Variants in MARCHF10 observed in about 807,000 individuals in gnomAD.
MARCHF10 encodes the protein membrane associated ring-CH-type finger 10.
A neutral mutation model predicts 76.2 loss-of-function variants in MARCHF10; 64 were observed. That is an observed-to-expected ratio of 0.84 (90% CI 0.69 to 1.03). The LOEUF is 1.03. Among genes scored for constraint, MARCHF10 ranks in the 50% least tolerant of loss-of-function variants. MARCHF10 has a pLI of 0.00. For synonymous variants in MARCHF10, 340 were observed against 357.5 expected (o/e 0.95, Z 0.55); for missense variants, 875 against 958.0 (o/e 0.91, Z 1.14).
In MARCHF10 at chr17:62,801,918, T is replaced by C. The variant is rs1425007486; in HGVS notation, c.-17-166A>G. 5.3e-5 allele frequency among the ~76,000 whole-genome samples: 8 copies of C among 152,372 alleles called. No homozygotes were observed. In the East Asian group the frequency reaches 7.7e-4, roughly 15 times the overall value. On this transcript the variant is annotated intron_variant, in intron 1 of 10. Coordinates refer to ENST00000311269, the MANE Select transcript of MARCHF10 (RefSeq NM_152598.4). ...GCTGAAGGGACTTCTTGTGTTGCTG[T>C]TGATGCCCTTACAGTCCTCCTGTTC...
chr17:62,751,747 G>A (rs2091903082), intron 4 of MARCHF10, among the ~76,000 whole-genome samples: 2 of 152,154 alleles, frequency 1.3e-5, no homozygotes, highest in African/African-American at 4.8e-5. Flanking sequence ...AAGGCTGGGC[G>A]TGGTGGCTCA....
intron 4 of MARCHF10, among the ~76,000 whole-genome samples, chr17:62,751,079 TG>T (rs767838085): frequency 6.6e-6 from 1 of 152,014 alleles, no homozygotes; most frequent in African/African-American, 2.4e-5. Context: ...TCAAGCTGGG[TG>T]AAAAGCAGGT....
chr17:62,744,464 G>A lies in MARCHF10; in HGVS notation c.447C>T (p.Ser149=), dbSNP rs777096698. The change falls in exon 5 of 11, where the codon AGC becomes AGT. Residue 149 remains serine, a synonymous_variant. Coordinates refer to ENST00000311269, the MANE Select transcript of MARCHF10 (RefSeq NM_152598.4). ...RKPNLRRFTV[S]PESHSPRASG... The stretch of plus-strand genomic sequence containing the variant: ...ATGCTCTCGGGCTGTGCGATTCTGG[G>A]CTGACTGTAAATCTCCTCAGGTTTG... 2.2e-5 allele frequency: 36 copies of A among 1,614,170 alleles called. No individual in the cohort carries two copies. Among genetic ancestry groups the A allele is most frequent in the Non-Finnish European group, 3.0e-5 (35 of 1,180,020 alleles).
At chr17:62,797,397 G>C (rs2093003738) in intron 2 of MARCHF10, among the ~76,000 whole-genome samples, 1 of 152,080 alleles carries the variant, frequency 6.6e-6, no homozygotes, top group African/African-American at 2.4e-5. Context: ...GTAGAGACGG[G>C]GTTTCACGAT....
intron 4 of MARCHF10, among the ~76,000 whole-genome samples, chr17:62,757,928 A>G (rs1392014535): frequency 6.6e-6 from 1 of 152,234 alleles, no homozygotes; most frequent in Non-Finnish European, 1.5e-5. Context: ...AGTTCCATAC[A>G]GAGTTTGCTC....
Position 62,705,587 on chromosome 17 carries a change from A to C in MARCHF10, c.2329-6T>G. 1 of 1,613,868 alleles carries C rather than the reference A, an allele frequency of 6.2e-7. No individual in the cohort carries two copies. Among genetic ancestry groups the C allele is most frequent in the East Asian group, 2.2e-5 (1 of 44,886 alleles). On this transcript the variant is annotated splice_region_variant and splice_polypyrimidine_tract_variant and intron_variant, in intron 9 of 10. Transcript: ENST00000311269. ...TGTGGGTAATTTCTTGACAACTACAAGAAAGAAGACAATGAGAAATGAATT... is the reference window on the plus strand; with the variant it reads ...TGTGGGTAATTTCTTGACAACTACACGAAAGAAGACAATGAGAAATGAATT...
chr17:62,717,728 T>G (rs2090286718), intron 8 of MARCHF10, among the ~76,000 whole-genome samples: 2 of 152,238 alleles, frequency 1.3e-5, no homozygotes, highest in South Asian at 4.1e-4. Context: ...CTGGCCACAC[T>G]GCTAGTCCCA....
chr17:62,789,036 G>A (rs2092795777), intron 2 of MARCHF10, among the ~76,000 whole-genome samples: 1 of 122,418 alleles, frequency 8.2e-6, no homozygotes, highest in Non-Finnish European at 1.6e-5. Flanking sequence ...GCAGTCCGCA[G>A]TCCGGCCTGG....
chr17:62,764,612 CA>C (rs34735597), intron 3 of MARCHF10, among the ~76,000 whole-genome samples: 75,418 of 151,924 alleles, frequency 0.5, 20,263 homozygotes, highest in East Asian at 0.7. Context: ...GTGCCACCTT[CA>C]AGAGCACTGT....
rs150885233 is a variant in MARCHF10 at position 62,782,553 on chromosome 17, G to A, written c.210+5927C>T. Among the ~76,000 whole-genome samples the A allele has an allele frequency of 8.7e-3, 1,322 of 151,970 alleles. 14 individuals are homozygous for A. Among genetic ancestry groups the A allele is most frequent in the African/African-American group, 0.031 (1,270 of 41,444 alleles). On this transcript the variant is annotated intron_variant, in intron 3 of 10. Transcript: ENST00000311269. ...AGTAGAGATGGGGTTTCACCATATTGGCCAGGCTGGTCTTGAATTCCTGAC... is the reference window on the plus strand; with the variant it reads ...AGTAGAGATGGGGTTTCACCATATTAGCCAGGCTGGTCTTGAATTCCTGAC...
intron 3 of MARCHF10, among the ~76,000 whole-genome samples, chr17:62,769,571 G>C (rs761155991): frequency 6.6e-6 from 1 of 152,068 alleles, no homozygotes; most frequent in Non-Finnish European, 1.5e-5. Context: ...ACGCCAACAT[G>C]CCTGGCTAAT....
intron 10 of MARCHF10, chr17:62,705,167 G>A (rs2089498793): frequency 8.4e-7 from 1 of 1,190,398 alleles, no homozygotes; most frequent in East Asian, 5.9e-5. Context: ...AGGGCTTGGG[G>A]AGGGTTTTCC....
At chr17:62,745,677 T>C (rs1441018652) in intron 4 of MARCHF10, among the ~76,000 whole-genome samples, 3 of 152,238 alleles carry the variant, frequency 2.0e-5, no homozygotes, top group East Asian at 1.9e-4. Context: ...ACGATATTCA[T>C]AGGAAGACAG....
At chr17:62,779,334 A>G (rs2092613846) in intron 3 of MARCHF10, among the ~76,000 whole-genome samples, 1 of 152,204 alleles carries the variant, frequency 6.6e-6, no homozygotes, top group East Asian at 1.9e-4. Context: ...GAAATTAGAG[A>G]AAATTAAAAG....
rs577539761 is a variant in MARCHF10, at chr17:62,726,892, A to G, written c.1938-1788T>C. 1.9e-4 allele frequency among the ~76,000 whole-genome samples: 29 copies of G among 152,244 alleles called. No homozygotes were observed. The East Asian group carries it at 4.6e-3, about 24-fold the overall frequency. On this transcript the variant is annotated intron_variant, in intron 6 of 10. Coordinates refer to ENST00000311269, the MANE Select transcript of MARCHF10 (RefSeq NM_152598.4). The stretch of plus-strand genomic sequence containing the variant: ...GATCCGCCTGCCTTGGTCTCTCAAA[A>G]GTGCTGGGATTACAGGTGTGAGCCA...
chr17:62,701,508 G>T lies in MARCHF10; in HGVS notation c.*195C>A, dbSNP rs1000182228. ...ACGCTGCTTGACCTGTGCTGTCTGG[G>T]ACTAGACTGGTCGCTGTGGCTGCCC... On this transcript the variant is annotated 3_prime_UTR_variant, in exon 11 of 11. Coordinates refer to ENST00000311269, the MANE Select transcript of MARCHF10 (RefSeq NM_152598.4). The T allele has an allele frequency of 3.9e-6, 5 of 1,286,124 alleles. No homozygotes were observed. The highest frequency in any genetic ancestry group is 1.4e-5 in the South Asian group (1 of 71,176). 79.7% of individuals were successfully genotyped at this position (1,286,124 alleles called of 1,614,324 possible).
At chr17:62,734,837 A>G (rs1336371877) in intron 6 of MARCHF10, among the ~76,000 whole-genome samples, 1 of 152,216 alleles carries the variant, frequency 6.6e-6, no homozygotes, top group Admixed American at 6.5e-5. Context: ...AAGTGAATGC[A>G]TTTTCAAAGA....
intron 6 of MARCHF10, among the ~76,000 whole-genome samples, chr17:62,730,625 G>A (rs1406200090): frequency 2.6e-5 from 4 of 152,210 alleles, no homozygotes; most frequent in African/African-American, 9.7e-5. Flanking sequence ...GCTGGGCGTG[G>A]TGGCTCATGC....
Position 62,747,048 on chromosome 17 carries a change from CTTAATGAGTA to C in MARCHF10, c.383-2530_383-2521del. The C allele has an allele frequency of 2.7e-6, 3 of 1,120,710 alleles. No individual in the cohort carries two copies. In the South Asian group the frequency reaches 4.1e-5, roughly 15 times the overall value. The allele number at this position is 1,120,710 out of a possible 1,614,324, so 69.4% of individuals were successfully genotyped here. ...TTAGTGTTTAAATATTCTAAAATTG[CTTAATGAGTA>C]TGTCTTTTCTCTCCAACTAGCCTGC... On this transcript the variant is annotated intron_variant, in intron 4 of 10. Transcript: ENST00000311269.
Sources: allele counts gnomAD v4.1 joint callset (sites outside exome capture counted in the v4.1 genomes callset), GRCh38; gene constraint gnomAD v4.1.1; transcripts MANE v1.5; gene names NCBI Gene and HGNC (gene_info 2026-07-23, HGNC 2026-07-21).